Variants in ASAP1 observed in about 807,000 individuals in gnomAD.
The protein encoded by ASAP1 is arf-GAP with SH3 domain, ANK repeat and PH domain-containing protein 1.
Under a neutral mutation model 145.2 loss-of-function variants are expected in ASAP1, and 43 were observed. The observed-to-expected ratio is 0.30, with a 90% CI of 0.23 to 0.38. ASAP1 has a LOEUF of 0.38. Ranked by LOEUF, ASAP1 falls within the 10% of genes least tolerant of loss-of-function variation. The pLI, the probability that ASAP1 is intolerant of heterozygous loss-of-function variation, is 1.00. For missense variants in ASAP1, 1,018 were observed against 1,355.3 expected (o/e 0.75, Z 3.91); for synonymous variants, 546 against 515.5 (o/e 1.06, Z -0.80).
At chr8:130,066,510 C>T (rs1356250566) in intron 27 of ASAP1, among the ~76,000 whole-genome samples, 1 of 152,138 alleles carries the variant, frequency 6.6e-6, no homozygotes, top group Non-Finnish European at 1.5e-5. Flanking sequence ...AATACCTGGC[C>T]TATTTCTTTC....
intron 9 of ASAP1, among the ~76,000 whole-genome samples, chr8:130,170,339 G>A (rs757069801): frequency 9.2e-5 from 14 of 152,094 alleles, no homozygotes; most frequent in Non-Finnish European, 2.1e-4. Flanking sequence ...ATTTTCAGTA[G>A]AGACAGGGTT....
At chr8:130,314,426 T>C (rs149444727) in intron 3 of ASAP1, among the ~76,000 whole-genome samples, 462 of 152,336 alleles carry the variant, frequency 3.0e-3, no homozygotes, top group African/African-American at 0.011. Context: ...ATCATGCCCA[T>C]GTTACAGATG....
intron 3 of ASAP1, among the ~76,000 whole-genome samples, chr8:130,259,600 A>C (rs910608894): frequency 1.3e-5 from 2 of 152,238 alleles, no homozygotes; most frequent in Non-Finnish European, 2.9e-5. Flanking sequence ...GGCATAAATT[A>C]GAAATGCTGT....
chr8:130,304,168 T>C (rs1217498646), intron 3 of ASAP1, among the ~76,000 whole-genome samples: 1 of 151,820 alleles, frequency 6.6e-6, no homozygotes, highest in Non-Finnish European at 1.5e-5. Flanking sequence ...CTGAGAAACA[T>C]GGATTAATGG....
At chr8:130,273,163 G>A (rs1820681997) in intron 3 of ASAP1, among the ~76,000 whole-genome samples, 2 of 152,072 alleles carry the variant, frequency 1.3e-5, no homozygotes, top group South Asian at 4.2e-4. Flanking sequence ...CTAATCTAAT[G>A]GAGAAAGATA....
At chr8:130,342,370 G>C (rs1044282797) in intron 3 of ASAP1, among the ~76,000 whole-genome samples, 1 of 152,172 alleles carries the variant, frequency 6.6e-6, no homozygotes, top group Non-Finnish European at 1.5e-5. Flanking sequence ...AGAACATCCA[G>C]TAACAGAGGC....
At position 130,221,639 on chromosome 8, in the gene ASAP1, C is replaced by G. The variant is rs79701243; in HGVS notation, c.260-6938G>C. On this transcript the variant is annotated intron_variant, in intron 4 of 29. Coordinates refer to ENST00000518721, the MANE Select transcript of ASAP1 (RefSeq NM_018482.4). ...GCTGCTTCTTTGGGGTTTTTCATTT[C>G]TTTTCCGTGAGGCCCCTTATGTCCA... Among the ~76,000 whole-genome samples the G allele has an allele frequency of 2.5e-3, 387 of 152,216 alleles. 8 individuals are homozygous for G. The East Asian group carries it at 0.036, about 14-fold the overall frequency.
At chr8:130,077,406 C>G (rs575040953) in intron 26 of ASAP1, among the ~76,000 whole-genome samples, 1 of 152,172 alleles carries the variant, frequency 6.6e-6, no homozygotes, top group Non-Finnish European at 1.5e-5. Context: ...TCAGAGGACA[C>G]CAGGAGGCCT....
chr8:130,133,269 G>A (rs555274692), intron 15 of ASAP1, among the ~76,000 whole-genome samples: 1 of 152,332 alleles, frequency 6.6e-6, no homozygotes, highest in Admixed American at 6.5e-5. Context: ...CAGGAAAGAA[G>A]AGGGAATAAA....
chr8:130,190,976 G>A (rs1359203583), intron 5 of ASAP1, among the ~76,000 whole-genome samples: 1 of 152,026 alleles, frequency 6.6e-6, no homozygotes, highest in Non-Finnish European at 1.5e-5. Context: ...TCTGTTCACA[G>A]CTATATCCTT....
At chr8:130,169,647 C>T (rs781550319) in intron 9 of ASAP1, among the ~76,000 whole-genome samples, 3 of 152,210 alleles carry the variant, frequency 2.0e-5, no homozygotes, top group Admixed American at 6.5e-5. Flanking sequence ...TGCATGACTT[C>T]ACCTGAAAAA....
intron 3 of ASAP1, among the ~76,000 whole-genome samples, chr8:130,300,642 T>C (rs967836242): frequency 6.6e-6 from 1 of 152,210 alleles, no homozygotes; most frequent in African/African-American, 2.4e-5. Context: ...GGCTAATAGT[T>C]CTCAACAGAT....
intron 5 of ASAP1, among the ~76,000 whole-genome samples, chr8:130,201,236 T>C (rs1815849747): frequency 2.0e-5 from 3 of 152,138 alleles, no homozygotes; most frequent in South Asian, 4.1e-4. Context: ...AGAGCAGAAA[T>C]CACTTGCCTA....
At chr8:130,204,219 A>G (rs921138737) in intron 5 of ASAP1, among the ~76,000 whole-genome samples, 2 of 152,188 alleles carry the variant, frequency 1.3e-5, no homozygotes, top group African/African-American at 4.8e-5. Context: ...TCTAGGTTGC[A>G]CGCTACTTAT....
intron 4 of ASAP1, among the ~76,000 whole-genome samples, chr8:130,215,778 AGCTGGGTATTGTG>A (rs1315459828): frequency 1.3e-5 from 2 of 151,984 alleles, no homozygotes; most frequent in Non-Finnish European, 2.9e-5. Flanking sequence ...AAAAACAATT[AGCTGGGTATTGTG>A]GCATGCACCT....
At chr8:130,142,860 T>A (rs143078400) in intron 13 of ASAP1, among the ~76,000 whole-genome samples, 1 of 151,808 alleles carries the variant, frequency 6.6e-6, no homozygotes, top group African/African-American at 2.4e-5. Flanking sequence ...CAGTTAGATC[T>A]CTATTTCACG....
intron 4 of ASAP1, 144 bp downstream of exon 4, chr8:130,236,778 G>C: frequency 5.3e-6 from 3 of 562,772 alleles, no homozygotes; most frequent in Non-Finnish European, 9.0e-6. Context: ...GTCGAGATAA[G>C]AGAAAAAAAG....
At chr8:130,098,931 C>T (rs569543736) in intron 24 of ASAP1, among the ~76,000 whole-genome samples, 57 of 151,998 alleles carry the variant, frequency 3.8e-4, no homozygotes, top group Non-Finnish European at 5.4e-4. Flanking sequence ...CCTCATCCTC[C>T]GCTCAACCCC....
intron 3 of ASAP1, among the ~76,000 whole-genome samples, chr8:130,319,565 T>C (rs145032840): frequency 3.9e-5 from 6 of 152,152 alleles, no homozygotes; most frequent in Non-Finnish European, 8.8e-5. Context: ...ACCTTATCCG[T>C]GAAGATGGGA....
Sources: gnomAD v4.1 joint callset for allele counts (sites outside exome capture counted in the v4.1 genomes callset) on GRCh38, gnomAD v4.1.1 for gene constraint, MANE v1.5 for transcripts, NCBI Gene and HGNC (gene_info 2026-07-23, HGNC 2026-07-21) for gene names.